The following IL22RA2 variants were observed in gnomAD, a reference collection of about 807,000 sequenced individuals.
IL22RA2 encodes the protein interleukin-22 receptor subunit alpha-2.
A neutral mutation model predicts 30.7 loss-of-function variants in IL22RA2; 39 were observed. That is an observed-to-expected ratio of 1.27 (90% confidence interval 0.98 to 1.66). The LOEUF (loss-of-function observed/expected upper bound fraction) is 1.66, where lower values mean the gene tolerates loss of function less well. Among genes scored for constraint, IL22RA2 ranks in the 40% most tolerant of loss-of-function variants. The pLI, the probability that IL22RA2 is intolerant of heterozygous loss-of-function variation, is 0.00. For synonymous variants in IL22RA2, 103 were observed against 105.0 expected, an observed-to-expected ratio of 0.98 and a Z score of 0.11; for missense variants, 315 against 312.7, an observed-to-expected ratio of 1.01 and a Z score of -0.05.
At chr6:137,163,756 G>C (rs10457018) in intron 1 of IL22RA2, among the ~76,000 whole-genome samples, 2 of 152,100 alleles carry the variant, frequency 1.3e-5, no homozygotes, top group African/African-American at 4.8e-5. Context: ...GACACCAGAC[G>C]TAAGTGGGGC....
chr6:137,169,376 G>A (rs553596197), intron 1 of IL22RA2, among the ~76,000 whole-genome samples: 28 of 152,170 alleles, frequency 1.8e-4, no homozygotes, highest in Admixed American at 4.6e-4. Context: ...GGATTATATA[G>A]GATCTGTGGA....
At chr6:137,145,884 G>T in intron 6 of IL22RA2, 111 bp from the exon 7 acceptor site, 1 of 1,136,314 alleles carries the variant, frequency 8.8e-7, no homozygotes. Flanking sequence ...GATGGGTTGT[G>T]GGGTTTCTTC....
rs372221321 is a variant in IL22RA2, at chr6:137,154,961, C to T, written c.452G>A (p.Arg151Gln). ...GSYSEWSMTP[R>Q]FTPWWETKID... ...CTCACTTTCCCACCAGGGAGTGAAC[C>T]GCGGCGTCATGCTCCATTCTGAGTA... Residue 151 changes from arginine (R) to glutamine (Q), a missense_variant, in exon 5 of 7, where the codon CGG becomes CAG. Physicochemically the swap from Arg to Gln is conservative, Grantham distance 43. Coordinates refer to ENST00000296980, the MANE Select transcript of IL22RA2 (RefSeq NM_052962.3). The T allele has an allele frequency of 6.1e-5, 98 of 1,614,032 alleles. No individual in the cohort carries two copies. The African/African-American group carries it at 8.3e-4, about 14-fold the overall frequency.
At chr6:137,158,194 T>A (rs887140321) in intron 3 of IL22RA2, among the ~76,000 whole-genome samples, 153 bp downstream of exon 3, 4 of 152,144 alleles carry the variant, frequency 2.6e-5, no homozygotes, top group African/African-American at 9.7e-5. Flanking sequence ...CCAGGCAGCC[T>A]TCAGGGGAGA....
chr6:137,161,523 C>T (rs1158372776), intron 2 of IL22RA2, among the ~76,000 whole-genome samples, 166 bp downstream of exon 2: 1 of 152,182 alleles, frequency 6.6e-6, no homozygotes, highest in Non-Finnish European at 1.5e-5. Context: ...TGGGGTCATT[C>T]AAGCTGCAGA....
chr6:137,156,060 T>G (rs1778399019), intron 4 of IL22RA2, among the ~76,000 whole-genome samples: 1 of 152,174 alleles, frequency 6.6e-6, no homozygotes, highest in Non-Finnish European at 1.5e-5. Context: ...GAACTTTTAT[T>G]GAGGACTATA....
At chr6:137,152,472 A>C (rs921530278) in intron 5 of IL22RA2, among the ~76,000 whole-genome samples, 4 of 152,190 alleles carry the variant, frequency 2.6e-5, no homozygotes, top group Admixed American at 1.3e-4. Flanking sequence ...CAAAAAAATC[A>C]TGTATTATAT....
At chr6:137,156,140 G>A (rs1217256927) in intron 4 of IL22RA2, among the ~76,000 whole-genome samples, 1 of 152,222 alleles carries the variant, frequency 6.6e-6, no homozygotes, top group East Asian at 1.9e-4. Context: ...TGAGGCAAGA[G>A]GCAGAGTGGT....
chr6:137,160,231 T>A (rs1778495869), intron 2 of IL22RA2, among the ~76,000 whole-genome samples: 1 of 152,162 alleles, frequency 6.6e-6, no homozygotes, highest in Non-Finnish European at 1.5e-5. Context: ...TGTCTATGGA[T>A]TTCTTCTCTC....
intron 1 of IL22RA2, among the ~76,000 whole-genome samples, chr6:137,165,074 T>C (rs909577200): frequency 6.6e-6 from 1 of 152,174 alleles, no homozygotes; most frequent in Middle Eastern, 3.2e-3. Flanking sequence ...TCAGGCAGTA[T>C]ACACAACAAG....
intron 5 of IL22RA2, among the ~76,000 whole-genome samples, chr6:137,151,202 G>A (rs931375554): frequency 1.3e-5 from 2 of 152,166 alleles, no homozygotes; most frequent in African/African-American, 4.8e-5. Context: ...AAATAGTGTG[G>A]TATGGGCACA....
At chr6:137,163,183 T>G (rs1224548674) in intron 1 of IL22RA2, among the ~76,000 whole-genome samples, 1 of 152,228 alleles carries the variant, frequency 6.6e-6, no homozygotes, top group African/African-American at 2.4e-5. Context: ...TAATGCTGCC[T>G]TTGTTTCTTG....
At chr6:137,166,927 T>G (rs1315859613) in intron 1 of IL22RA2, among the ~76,000 whole-genome samples, 3 of 152,214 alleles carry the variant, frequency 2.0e-5, no homozygotes, top group African/African-American at 7.2e-5. Context: ...AAACTGGAGC[T>G]ACACCCTGTG....
At chr6:137,154,844 G>T in intron 5 of IL22RA2, 97 bp downstream of exon 5, 1 of 943,960 alleles carries the variant, frequency 1.1e-6, no homozygotes, top group Non-Finnish European at 1.7e-6. Context: ...ATGATGTAGA[G>T]ACCTCAGCAA....
chr6:137,169,263 A>T (rs548262421), intron 1 of IL22RA2, among the ~76,000 whole-genome samples: 22 of 152,390 alleles, frequency 1.4e-4, no homozygotes, highest in African/African-American at 4.8e-4. Context: ...GAGAAGCTTT[A>T]TAGATGATTC....
intron 5 of IL22RA2, among the ~76,000 whole-genome samples, chr6:137,151,971 T>G (rs748360808): frequency 6.6e-6 from 1 of 152,226 alleles, no homozygotes; most frequent in Non-Finnish European, 1.5e-5. Context: ...GAAAGTAGTC[T>G]GGCATTTCCT....
At position 137,144,493 on chromosome 6, in the gene IL22RA2, G is replaced by A. The variant is rs1778133619; in HGVS notation, c.*1131C>T. The stretch of plus-strand genomic sequence containing the variant: ...AACATATATGAAGACTTAGCCTCAA[G>A]TGAAGAAGGCAGCTTTCTGTTGACC... On this transcript the variant is annotated 3_prime_UTR_variant, in exon 7 of 7. Coordinates refer to ENST00000296980, the MANE Select transcript of IL22RA2 (RefSeq NM_052962.3). 6.6e-6 allele frequency: 1 copy of A among 152,220 alleles called. No homozygotes were observed. Among genetic ancestry groups the A allele is most frequent in the South Asian group, 2.1e-4 (1 of 4,828 alleles). The allele number at this position is 152,220 out of a possible 1,614,324, so 9.4% of individuals were successfully genotyped here.
At chr6:137,166,192 C>T (rs956580182) in intron 1 of IL22RA2, among the ~76,000 whole-genome samples, 2 of 152,230 alleles carry the variant, frequency 1.3e-5, no homozygotes, top group African/African-American at 2.4e-5. Context: ...AGTGGTAACA[C>T]TGAATTCAGC....
chr6:137,146,741 C>T (rs528341233), intron 6 of IL22RA2, among the ~76,000 whole-genome samples: 1 of 152,154 alleles, frequency 6.6e-6, no homozygotes, highest in Admixed American at 6.5e-5. Context: ...GTTTGTAATG[C>T]CAGCAGTTTG....
Sources: gnomAD v4.1 joint callset for allele counts (sites outside exome capture counted in the v4.1 genomes callset) on GRCh38, gnomAD v4.1.1 for gene constraint, MANE v1.5 for transcripts, NCBI Gene and HGNC (gene_info 2026-07-23, HGNC 2026-07-21) for gene names.